The following CCDC85A variants were observed in gnomAD, a reference collection of about 807,000 sequenced individuals.
CCDC85A encodes the protein coiled-coil domain-containing protein 85A.
CCDC85A carries 38 observed loss-of-function variants against 50.2 expected under a neutral mutation model. That is an observed-to-expected ratio of 0.76 (90% CI 0.58 to 0.99). The LOEUF is 0.99. Among genes scored for constraint, CCDC85A ranks in the 50% least tolerant of loss-of-function variants. The pLI is 0.00. For synonymous variants in CCDC85A, 366 were observed against 301.4 expected (o/e 1.21, Z -2.22); for missense variants, 820 against 742.0 (o/e 1.11, Z -1.22).
intron 2 of CCDC85A, among the ~76,000 whole-genome samples, chr2:56,291,705 G>A (rs1006445049): frequency 1.3e-4 from 20 of 151,064 alleles, no homozygotes; most frequent in African/African-American, 4.6e-4. Context: ...TGGAAATGTA[G>A]ATAGAACACG....
chr2:56,276,173 T>G (rs1670931725), intron 2 of CCDC85A, among the ~76,000 whole-genome samples: 1 of 152,178 alleles, frequency 6.6e-6, no homozygotes, highest in Non-Finnish European at 1.5e-5. Context: ...TTTTTCTTAC[T>G]GGAACTTCTG....
At chr2:56,338,726 G>A (rs1032317124) in intron 2 of CCDC85A, among the ~76,000 whole-genome samples, 2 of 152,018 alleles carry the variant, frequency 1.3e-5, no homozygotes, top group Non-Finnish European at 2.9e-5. Flanking sequence ...AGGGTTTAAC[G>A]AAACAAATAT....
intron 2 of CCDC85A, among the ~76,000 whole-genome samples, chr2:56,267,729 G>T (rs1670515452): frequency 6.6e-6 from 1 of 152,192 alleles, no homozygotes; most frequent in Non-Finnish European, 1.5e-5. Flanking sequence ...GAACACTGGA[G>T]AGTGGAATTC....
intron 2 of CCDC85A, among the ~76,000 whole-genome samples, chr2:56,225,718 A>G (rs1573054220): frequency 6.6e-6 from 1 of 152,168 alleles, no homozygotes; most frequent in African/African-American, 2.4e-5. Flanking sequence ...CTGTAGATGA[A>G]TTTGAAGACT....
At chr2:56,183,989 C>T (rs1675874647), upstream of CCDC85A, 1 of 985,738 alleles carries the variant, frequency 1.0e-6, no homozygotes, top group Non-Finnish European at 1.2e-6. Context: ...ACCCTCCACC[C>T]CTTCTCGACT....
intron 2 of CCDC85A, among the ~76,000 whole-genome samples, chr2:56,218,917 A>G (rs1355050362): frequency 1.3e-5 from 2 of 151,778 alleles, no homozygotes; most frequent in African/African-American, 4.8e-5. Flanking sequence ...ATATTACTGA[A>G]ATGAGAAAAT....
At chr2:56,329,943 CTGTTTTTT>C (rs1673685686) in intron 2 of CCDC85A, among the ~76,000 whole-genome samples, 2 of 22,894 alleles carry the variant, frequency 8.7e-5, no homozygotes, top group Non-Finnish European at 1.9e-4. Context: ...TACAGATTTC[CTGTTTTTT>C]TTTTTTTTTT....
At chr2:56,343,413 T>C (rs1434277938) in intron 3 of CCDC85A, among the ~76,000 whole-genome samples, 3 of 152,248 alleles carry the variant, frequency 2.0e-5, no homozygotes, top group African/African-American at 7.2e-5. Flanking sequence ...TGTGGTATAA[T>C]TGAACTCTTT....
At chr2:56,231,254 C>A (rs930903206) in intron 2 of CCDC85A, among the ~76,000 whole-genome samples, 1 of 152,108 alleles carries the variant, frequency 6.6e-6, no homozygotes, top group African/African-American at 2.4e-5. Flanking sequence ...TCATAGTGTC[C>A]CTAGCCTGAG....
chr2:56,275,652 T>G (rs1231996736), intron 2 of CCDC85A, among the ~76,000 whole-genome samples: 1 of 152,180 alleles, frequency 6.6e-6, no homozygotes, highest in Non-Finnish European at 1.5e-5. Flanking sequence ...CAGGGACCCA[T>G]GTAATGTTCT....
rs752350334 is a variant in CCDC85A, at chr2:56,385,496, T to G, written c.*1141T>G. The G allele has an allele frequency of 6.6e-6, 1 of 152,244 alleles. No homozygotes were observed. Among genetic ancestry groups the G allele is most frequent in the Non-Finnish European group, 1.5e-5 (1 of 67,824 alleles). 9.4% of individuals were successfully genotyped at this position (152,244 alleles called of 1,614,324 possible). ...TGTACTGGAAATGCTATGATAGGTA[T>G]TTTGTGTTAATCCAAATGCAATGAT... On this transcript the variant is annotated 3_prime_UTR_variant, in exon 6 of 6. Coordinates refer to ENST00000407595, the MANE Select transcript of CCDC85A (RefSeq NM_001080433.2).
intron 2 of CCDC85A, among the ~76,000 whole-genome samples, chr2:56,338,996 C>T (rs1194755138): frequency 6.6e-6 from 1 of 152,032 alleles, no homozygotes. Flanking sequence ...GTTTGAGTAT[C>T]CATTAATTGT....
At chr2:56,319,568 A>G (rs986648816) in intron 2 of CCDC85A, among the ~76,000 whole-genome samples, 1 of 152,152 alleles carries the variant, frequency 6.6e-6, no homozygotes, top group Non-Finnish European at 1.5e-5. Context: ...TAACATATGG[A>G]AAAGACAATA....
At chr2:56,280,742 A>G (rs901794460) in intron 2 of CCDC85A, among the ~76,000 whole-genome samples, 1 of 152,184 alleles carries the variant, frequency 6.6e-6, no homozygotes, top group South Asian at 2.1e-4. Context: ...ATGTTAGCAC[A>G]TACATCTAAC....
intron 2 of CCDC85A, among the ~76,000 whole-genome samples, chr2:56,250,960 C>A (rs995823464): frequency 3.3e-5 from 5 of 152,090 alleles, no homozygotes; most frequent in African/African-American, 1.2e-4. Flanking sequence ...ATTCGAGTCC[C>A]TTTCTATTTA....
chr2:56,337,334 T>TA (rs1674123380), intron 2 of CCDC85A, among the ~76,000 whole-genome samples: 1 of 152,250 alleles, frequency 6.6e-6, no homozygotes, highest in Admixed American at 6.5e-5. Context: ...CTTACTTTTC[T>TA]AATGTCTAGA....
At chr2:56,213,451 G>A (rs1158682940) in intron 2 of CCDC85A, among the ~76,000 whole-genome samples, 3 of 151,944 alleles carry the variant, frequency 2.0e-5, no homozygotes, top group Non-Finnish European at 4.4e-5. Flanking sequence ...CTTGTTTTAC[G>A]AAGAGTTCAG....
At chr2:56,317,822 A>C (rs1408951339) in intron 2 of CCDC85A, among the ~76,000 whole-genome samples, 1 of 151,992 alleles carries the variant, frequency 6.6e-6, no homozygotes, top group African/African-American at 2.4e-5. Context: ...TTCTCTATCC[A>C]CACCACCTCC....
intron 3 of CCDC85A, among the ~76,000 whole-genome samples, chr2:56,349,447 A>G (rs915297267): frequency 6.6e-6 from 1 of 152,188 alleles, no homozygotes; most frequent in African/African-American, 2.4e-5. Flanking sequence ...GAAAACCTAA[A>G]TAAATGGAAA....
Sources: allele counts gnomAD v4.1 joint callset (sites outside exome capture counted in the v4.1 genomes callset), GRCh38; gene constraint gnomAD v4.1.1; transcripts MANE v1.5; gene names NCBI Gene and HGNC (gene_info 2026-07-23, HGNC 2026-07-21).